The following MUC22 variants were observed in gnomAD, a reference collection of about 807,000 sequenced individuals.
MUC22 encodes mucin 22.
MUC22 carries 24 observed loss-of-function variants against 40.3 expected under a neutral mutation model. The ratio of observed to expected loss-of-function variants is 0.60; its 90% CI spans 0.43 to 0.84. The LOEUF (loss-of-function observed/expected upper bound fraction) is 0.84. Among genes scored for constraint, MUC22 ranks in the 40% least tolerant of loss-of-function variants. MUC22 has a pLI of 0.00. For missense variants in MUC22, 1,926 were observed against 2,130.7 expected (o/e 0.90, Z 1.89); for synonymous variants, 765 against 844.5 (o/e 0.91, Z 1.63).
In MUC22 at chr6:31,029,679, C is replaced by T. The variant is rs192252765; in HGVS notation, c.4248C>T (p.Thr1416=). 4.8e-4 allele frequency: 743 copies of T among 1,533,880 alleles called. 6 individuals carry two copies. Among genetic ancestry groups the T allele is most frequent in the East Asian group, 4.5e-3 (182 of 40,782 alleles). The change falls in exon 2 of 4, where the codon ACC becomes ACT. Residue 1416 remains threonine, a synonymous_variant. Coordinates refer to ENST00000561890, the Ensembl canonical transcript of MUC22. ...TCTCTACCATAGGCTCTGAGGCCAC[C>T]ACATCCTCTGCTGCAGGCTCTGAGG... is the stretch of plus-strand genomic sequence containing the variant.
At chr6:31,010,661 G>A (rs757010040) in exon 1 of MUC22, 1 of 701,926 alleles carries the variant, frequency 1.4e-6, no homozygotes, top group Non-Finnish European at 2.6e-6. Flanking sequence ...TCCTTCCTTT[G>A]GAACCCAGGC....
At chr6:31,013,129 C>CTTTTTTTTT (rs28381569) in intron 1 of MUC22, among the ~76,000 whole-genome samples, 1 of 121,390 alleles carries the variant, frequency 8.2e-6, no homozygotes, top group Non-Finnish European at 1.8e-5. Context: ...CACCCCCATT[C>CTTTTTTTTT]TTTTTTTTTT....
upstream of MUC22, among the ~76,000 whole-genome samples, chr6:31,008,394 CA>C (rs1763646399): frequency 6.6e-6 from 1 of 152,066 alleles, no homozygotes; most frequent in African/African-American, 2.4e-5. Flanking sequence ...CCCACATTGC[CA>C]GTAGGAGGCA....
exon 2 of MUC22, chr6:31,026,421 C>G: frequency 6.6e-7 from 1 of 1,508,160 alleles, no homozygotes; most frequent in South Asian, 1.2e-5. Context: ...ACACCACAGT[C>G]TCTAGTGCAG....
At chr6:31,028,510 G>T (rs1408253098) in exon 2 of MUC22, 3 of 1,532,816 alleles carry the variant, frequency 2.0e-6, no homozygotes, top group Non-Finnish European at 2.6e-6. Flanking sequence ...GACCACCATG[G>T]CATCCATCAT....
chr6:31,026,144 C>G, exon 2 of MUC22: 1 of 1,524,956 alleles, frequency 6.6e-7, no homozygotes, highest in Non-Finnish European at 8.8e-7. Flanking sequence ...TCTGAGGCCA[C>G]CACAACCTCA....
exon 2 of MUC22, chr6:31,025,954 A>G (rs1230677128): frequency 8.5e-6 from 13 of 1,532,806 alleles, no homozygotes; most frequent in South Asian, 1.2e-5. Context: ...AATTTCTGAG[A>G]CCACCATGGC....
chr6:31,020,233 TAG>T (rs1250908041), intron 1 of MUC22, among the ~76,000 whole-genome samples: 7 of 149,772 alleles, frequency 4.7e-5, no homozygotes, highest in Non-Finnish European at 8.9e-5. Flanking sequence ...ACACATTGTA[TAG>T]AGAGGAGCAA....
chr6:31,010,526 C>T, exon 1 of MUC22: 1 of 565,894 alleles, frequency 1.8e-6, no homozygotes, highest in Non-Finnish European at 3.1e-6. Flanking sequence ...GGGGCTCCCC[C>T]CAACCATGCC....
rs779601944 is a variant in MUC22, at chr6:31,027,113, T to TGA, written c.1682_1683insGA (p.Ile561MetfsTer16). On this transcript the variant is annotated frameshift_variant, in exon 2 of 4. Coordinates refer to ENST00000561890, the Ensembl canonical transcript of MUC22. LOFTEE classifies it high-confidence loss of function. ...TCTGAGACCACTATGGCCTCTACCA[T>TGA]AGGCCCTGAGACCACCAAGGTCTCC... 3,821 of 1,463,694 alleles carry TGA rather than the reference T, an allele frequency of 2.6e-3. 263 individuals are homozygous for TGA. The highest frequency in any genetic ancestry group is 8.3e-3 in the East Asian group (308 of 37,296). 90.7% of individuals were successfully genotyped at this position (1,463,694 alleles called of 1,614,324 possible).
At chr6:31,013,819 G>T (rs1404139514) in intron 1 of MUC22, among the ~76,000 whole-genome samples, 1 of 152,110 alleles carries the variant, frequency 6.6e-6, no homozygotes, top group Non-Finnish European at 1.5e-5. Context: ...GTGAGCCATT[G>T]CACCCGGCCA....
chr6:31,027,299 C>G (rs1421657545), exon 2 of MUC22: 1 of 1,532,360 alleles, frequency 6.5e-7, no homozygotes, highest in South Asian at 1.2e-5. Context: ...ACCACAGGCT[C>G]TGAGACCACC....
intron 1 of MUC22, among the ~76,000 whole-genome samples, chr6:31,023,880 A>G (rs1389824492): frequency 6.6e-6 from 1 of 152,178 alleles, no homozygotes; most frequent in Non-Finnish European, 1.5e-5. Context: ...TATAATCACA[A>G]CACAATATTT....
intron 1 of MUC22, among the ~76,000 whole-genome samples, chr6:31,022,790 TAAG>T (rs1208360122): frequency 2.0e-5 from 3 of 146,766 alleles, no homozygotes; most frequent in Non-Finnish European, 3.0e-5. Context: ...GGCACACAAA[TAAG>T]AATGATATTT....
chr6:31,022,506 C>T (rs1006236801), intron 1 of MUC22, among the ~76,000 whole-genome samples: 3 of 151,272 alleles, frequency 2.0e-5, no homozygotes, highest in East Asian at 1.9e-4. Flanking sequence ...AAATTTAGAT[C>T]TATGCAAAAA....
rs1766339731 is a variant in MUC22 at position 31,034,903 on chromosome 6, C to T, written c.5287C>T (p.His1763Tyr). 2 of 1,535,482 alleles carry T rather than the reference C, an allele frequency of 1.3e-6. No homozygotes were observed. Among genetic ancestry groups the T allele is most frequent in the Non-Finnish European group, 1.7e-6 (2 of 1,146,914 alleles). The change falls in exon 4 of 4, where the codon CAT becomes TAT. Residue 1763 changes from histidine (H) to tyrosine (Y), a missense_variant. His to Tyr is a moderately conservative substitution (Grantham distance 83). Transcript: ENST00000561890. ...CCATGGAGATGGCTACGGAGTGAATCATGGCGGGCATTATGGACATGGAGG... is the reference window on the plus strand; with the variant it reads ...CCATGGAGATGGCTACGGAGTGAATTATGGCGGGCATTATGGACATGGAGG...
chr6:31,032,092 C>G lies in MUC22; in HGVS notation c.4670-104C>G. On this transcript the variant is annotated intron_variant, in intron 2 of 3. Transcript: ENST00000561890. The surrounding 1 kb of genome is among the most constrained non-coding windows in gnomAD (Gnocchi z 4.1). ...CCACCACACCTCTCCTGAGCCACCTCCACCATAGGTTTGTTAGATTCACCC... is the reference window on the plus strand; with the variant it reads ...CCACCACACCTCTCCTGAGCCACCTGCACCATAGGTTTGTTAGATTCACCC... The G allele has an allele frequency of 3.8e-6, 5 of 1,307,804 alleles. No homozygotes were observed. In the Admixed American group the frequency reaches 7.9e-5, roughly 21 times the overall value. The allele number at this position is 1,307,804 out of a possible 1,614,324, so 81.0% of individuals were successfully genotyped here.
At chr6:31,034,566 C>A (rs28732081) in intron 3 of MUC22, 106 bp from the exon 4 acceptor site, 42,248 of 877,958 alleles carry the variant, frequency 0.048, 1,251 homozygotes, top group South Asian at 0.083. Context: ...AGAACATGGG[C>A]AGTTTGGAAA....
rs9295944 is a variant in MUC22, at chr6:31,021,471, C to T, written c.71-4031C>T. Among the ~76,000 whole-genome samples the T allele has an allele frequency of 2.2e-4, 17 of 75,780 alleles. 1 individual carries two copies. In the South Asian group the frequency reaches 5.3e-3, roughly 24 times the overall value. 49.7% of individuals were successfully genotyped at this position (75,780 alleles called of 152,430 possible). On this transcript the variant is annotated intron_variant, in intron 1 of 3. Coordinates refer to ENST00000561890, the Ensembl canonical transcript of MUC22. ...TCAACACTCTGTATCTAGCTGCTCTCGTGGGGCCTTGGAGAACCTTTATGT... is the reference window on the plus strand; with the variant it reads ...TCAACACTCTGTATCTAGCTGCTCTTGTGGGGCCTTGGAGAACCTTTATGT...
Sources: allele counts gnomAD v4.1 joint callset (sites outside exome capture counted in the v4.1 genomes callset), GRCh38; gene constraint gnomAD v4.1.1; non-coding constraint Gnocchi (gnomAD v3.1); transcripts MANE v1.5; gene names NCBI Gene and HGNC (gene_info 2026-07-23, HGNC 2026-07-21).